Variants in PKP1 observed in about 807,000 individuals in gnomAD.
PKP1 encodes the protein plakophilin-1.
In PKP1, 27 loss-of-function variants were observed where a neutral mutation model predicts 76.4. That is an observed-to-expected ratio of 0.35 (90% CI 0.26 to 0.49). The LOEUF is 0.49. PKP1 is among the 20% of genes least tolerant of loss of function. The pLI, the probability that PKP1 is intolerant of heterozygous loss-of-function variation, is 0.99. For synonymous variants in PKP1, 404 were observed against 384.2 expected (o/e 1.05, Z -0.60); for missense variants, 964 against 955.2 (o/e 1.01, Z -0.12).
chr1:201,324,717 A>C, intron 10 of PKP1, 136 bp downstream of exon 10: 1 of 1,203,802 alleles, frequency 8.3e-7, no homozygotes, highest in Non-Finnish European at 1.2e-6. Flanking sequence ...AAAGACAGGT[A>C]TGGAGACAGG....
intron 3 of PKP1, 23 bp from the exon 4 acceptor site, chr1:201,316,529 AC>A (rs1656752001): frequency 6.3e-7 from 1 of 1,588,062 alleles, no homozygotes; most frequent in Admixed American, 1.8e-5. Flanking sequence ...CCCCGTAACC[AC>A]CCCCACTGCC....
In PKP1 at chr1:201,325,768, C is replaced by CCGCA; in HGVS notation, c.2037_2040dup (p.Glu681ArgfsTer10). On this transcript the variant is annotated frameshift_variant, in exon 12 of 14. Transcript: ENST00000367324. LOFTEE classifies it high-confidence loss of function. ...CACCTGCCCAGTGCCTCACCCAAGG[C>CCGCA]CGCAGAAGCTGCCCGGCTTCTCCTG... The CCGCA allele has an allele frequency of 6.2e-7, 1 of 1,613,980 alleles. No individual in the cohort carries two copies.
rs770883399 is a variant in PKP1, at chr1:201,320,384, G to A, written c.1347+3G>A. ...CGGCCAGCCGCTGTGACGACAAGGT[G>A]AGTGCATCCCCTGGTGGCACCCTGA... is the stretch of plus-strand genomic sequence containing the variant. On this transcript the variant is annotated splice_donor_region_variant and intron_variant, in intron 7 of 13. Coordinates refer to ENST00000367324, the MANE Select transcript of PKP1 (RefSeq NM_001005337.3). 1 of 1,594,414 alleles carries A rather than the reference G, an allele frequency of 6.3e-7. No individual in the cohort carries two copies. Among genetic ancestry groups the A allele is most frequent in the Non-Finnish European group, 8.6e-7 (1 of 1,162,152 alleles).
chr1:201,328,328 C>T, intron 12 of PKP1: 1 of 315,454 alleles, frequency 3.2e-6, no homozygotes, highest in African/African-American at 2.2e-5. Context: ...GAGCCCCCTG[C>T]TCCTGTGTTT....
At chr1:201,304,561 C>T (rs921038135) in intron 2 of PKP1, among the ~76,000 whole-genome samples, 1 of 152,240 alleles carries the variant, frequency 6.6e-6, no homozygotes, top group African/African-American at 2.4e-5. Flanking sequence ...AGCAACTACA[C>T]ACTTCTTAAA....
At chr1:201,319,764 C>A in intron 6 of PKP1, 1 of 1,596,202 alleles carries the variant, frequency 6.3e-7, no homozygotes, top group Non-Finnish European at 8.6e-7. Context: ...GCCCGGCCAC[C>A]CCCAGATCCA....
chr1:201,292,804 C>T (rs1470684787), intron 1 of PKP1, among the ~76,000 whole-genome samples: 1 of 152,216 alleles, frequency 6.6e-6, no homozygotes, highest in African/African-American at 2.4e-5. Context: ...TCACCTTCAT[C>T]CCCCAAGGCC....
intron 2 of PKP1, among the ~76,000 whole-genome samples, chr1:201,300,239 G>C (rs1050931874): frequency 6.6e-6 from 1 of 152,246 alleles, no homozygotes; most frequent in Non-Finnish European, 1.5e-5. Flanking sequence ...TGTGGAAGGA[G>C]CATGCCGTGT....
rs2071960 is a variant in PKP1 at position 201,321,938 on chromosome 1, C to T, written c.1348-40C>T. On this transcript the variant is annotated intron_variant, in intron 7 of 13. Transcript: ENST00000367324. ...GTGGTAGGCCAGGAGCCTGTCGGGC[C>T]GGGCAGAGGCTCAGGCCCATGCCTC... 1,100,571 of 1,611,630 alleles carry T rather than the reference C, an allele frequency of 0.68. 379,404 individuals are homozygous for T. Among genetic ancestry groups the T allele is most frequent in the East Asian group, 0.74 (33,299 of 44,852 alleles).
intron 1 of PKP1, among the ~76,000 whole-genome samples, chr1:201,287,661 A>G (rs1414945037): frequency 1.3e-5 from 2 of 152,236 alleles, no homozygotes; most frequent in Non-Finnish European, 2.9e-5. Context: ...GTTACAACAC[A>G]TGCAAAAATG....
Position 201,321,715 on chromosome 1 carries a change from A to G in PKP1, c.1348-263A>G, listed in dbSNP as rs545520696. On this transcript the variant is annotated intron_variant, in intron 7 of 13. Transcript: ENST00000367324. ...ATAGCCTAGTGAAATGGACAATTGT[A>G]GTCTCATTTTACATTTGAGATAGCT... Among the ~76,000 whole-genome samples the G allele has an allele frequency of 4.6e-5, 7 of 152,300 alleles. No individual in the cohort carries two copies. In the South Asian group the frequency reaches 1.5e-3, roughly 32 times the overall value.
intron 2 of PKP1, among the ~76,000 whole-genome samples, chr1:201,304,061 G>T (rs187354270): frequency 6.6e-6 from 1 of 152,200 alleles, no homozygotes; most frequent in Non-Finnish European, 1.5e-5. Flanking sequence ...CCTGTGGGAG[G>T]ATTGCCCTCT....
chr1:201,285,026 GC>G (rs538266355), intron 1 of PKP1, among the ~76,000 whole-genome samples: 151 of 152,310 alleles, frequency 9.9e-4, no homozygotes, highest in Admixed American at 2.7e-3. Flanking sequence ...ACACAAGTGA[GC>G]AAAGATTCCA....
intron 12 of PKP1, among the ~76,000 whole-genome samples, chr1:201,327,669 C>T (rs960209891): frequency 6.6e-6 from 1 of 151,260 alleles, no homozygotes; most frequent in Non-Finnish European, 1.5e-5. Flanking sequence ...GTGGGAATTC[C>T]CTTCTACACA....
intron 4 of PKP1, among the ~76,000 whole-genome samples, chr1:201,317,127 C>T (rs946929525): frequency 3.9e-5 from 6 of 152,158 alleles, no homozygotes; most frequent in African/African-American, 1.4e-4. Flanking sequence ...GCAGGAAGGA[C>T]ACTACAGGGT....
At chr1:201,292,103 G>A (rs1047264525) in intron 1 of PKP1, among the ~76,000 whole-genome samples, 12 of 152,190 alleles carry the variant, frequency 7.9e-5, no homozygotes, top group African/African-American at 2.9e-4. Flanking sequence ...TGGAGTATAG[G>A]GGAGGCCTCT....
intron 2 of PKP1, among the ~76,000 whole-genome samples, chr1:201,302,134 A>T (rs1011784498): frequency 6.6e-6 from 1 of 152,230 alleles, no homozygotes; most frequent in Admixed American, 6.5e-5. Flanking sequence ...TTAGTGTAGC[A>T]TTTTGAACTT....
chr1:201,293,972 A>C lies in PKP1; in HGVS notation c.233A>C (p.Tyr78Ser), dbSNP rs1656002308. The C allele has an allele frequency of 1.2e-6, 2 of 1,613,790 alleles. No individual in the cohort carries two copies. The highest frequency in any genetic ancestry group is 1.7e-6 in the Non-Finnish European group (2 of 1,179,778). ...ATGTATGATGGCTTGGCTGACAATT[A>C]CAACTATGGGACCACCAGCAGGAGC... ...GSMYDGLADN[Y>S]NYGTTSRSSY... The change falls in exon 2 of 14, where the codon TAC (tyrosine) becomes TCC (serine). Residue 78 changes from tyrosine (Y) to serine (S), a missense_variant. Transcript: ENST00000367324.
At chr1:201,288,762 T>A (rs1243428314) in intron 1 of PKP1, among the ~76,000 whole-genome samples, 1 of 151,992 alleles carries the variant, frequency 6.6e-6, no homozygotes, top group Non-Finnish European at 1.5e-5. Flanking sequence ...GCCCATCCTG[T>A]CCCCACAGGA....
Sources: allele counts gnomAD v4.1 joint callset (sites outside exome capture counted in the v4.1 genomes callset), GRCh38; gene constraint gnomAD v4.1.1; transcripts MANE v1.5; gene names NCBI Gene and HGNC (gene_info 2026-07-23, HGNC 2026-07-21).